Variants in RPGRIP1L observed in about 807,000 individuals in gnomAD.
RPGRIP1L encodes protein fantom.
In RPGRIP1L, 131 loss-of-function variants were observed where a neutral mutation model predicts 160.4. The ratio of observed to expected loss-of-function variants is 0.82; its 90% CI spans 0.71 to 0.94. RPGRIP1L has a LOEUF of 0.94. Among genes scored for constraint, RPGRIP1L ranks in the 40% least tolerant of loss-of-function variants. The probability of loss-of-function intolerance (pLI) is 0.00; values close to 1 mark genes in which losing one functional copy is unlikely to be tolerated. For synonymous variants in RPGRIP1L, 510 were observed against 515.8 expected (o/e 0.99, Z 0.15); for missense variants, 1,522 against 1,535.8 (o/e 0.99, Z 0.15).
In RPGRIP1L at chr16:53,641,114, T is replaced by C. The variant is rs753020103; in HGVS notation, c.2877A>G (p.Ala959=). The change falls in exon 19 of 27, where the codon GCA becomes GCG. Residue 959 remains alanine, a splice_region_variant and synonymous_variant. Coordinates refer to ENST00000647211, the MANE Select transcript of RPGRIP1L (RefSeq NM_015272.5). ...PASSVSTLVL[A]PRPKPRQRLT... is the part of the protein sequence containing the mutation. ...AACGTTGTCTTGGTTTAGGTCTTGGTGCCTAAGACAAACCAACCAATGTGT... is the reference window on the plus strand; with the variant it reads ...AACGTTGTCTTGGTTTAGGTCTTGGCGCCTAAGACAAACCAACCAATGTGT... 4 of 1,612,840 alleles carry C rather than the reference T, an allele frequency of 2.5e-6. No homozygotes were observed. Among genetic ancestry groups the C allele is most frequent in the South Asian group, 1.1e-5 (1 of 91,044 alleles).
At position 53,664,802 on chromosome 16, in the gene RPGRIP1L, A is replaced by G; in HGVS notation, c.1243+68T>C. 4 of 1,542,006 alleles carry G rather than the reference A, an allele frequency of 2.6e-6. 1 individual carries two copies. The South Asian group carries it at 4.5e-5, about 17-fold the overall frequency. On this transcript the variant is annotated intron_variant, in intron 10 of 26. Coordinates refer to ENST00000647211, the MANE Select transcript of RPGRIP1L (RefSeq NM_015272.5). Reference sequence around the variant, plus strand: ...GCAAACAGTAGGCACCAGAGTAAGTACTGACTGATTCAATGAAGAAACATT... The same window carrying G: ...GCAAACAGTAGGCACCAGAGTAAGTGCTGACTGATTCAATGAAGAAACATT...
At chr16:53,696,657 T>C (rs574122872) in intron 2 of RPGRIP1L, among the ~76,000 whole-genome samples, 7 of 152,336 alleles carry the variant, frequency 4.6e-5, no homozygotes, top group Non-Finnish European at 7.3e-5. Flanking sequence ...CTTATTTTTT[T>C]ACAAAGGCAA....
intron 8 of RPGRIP1L, among the ~76,000 whole-genome samples, chr16:53,671,796 C>T (rs537115075): frequency 2.6e-4 from 40 of 152,176 alleles, no homozygotes; most frequent in African/African-American, 9.4e-4. Flanking sequence ...ATTAATATTC[C>T]TGTTTTAATT....
At chr16:53,672,846 T>C (rs1267219913) in intron 8 of RPGRIP1L, 24 bp downstream of exon 8, 3 of 1,604,668 alleles carry the variant, frequency 1.9e-6, no homozygotes, top group Non-Finnish European at 2.6e-6. Flanking sequence ...ATGCAACAGA[T>C]GGCTAAACTC....
intron 15 of RPGRIP1L, among the ~76,000 whole-genome samples, chr16:53,650,146 C>T (rs1023444868): frequency 9.2e-5 from 14 of 152,060 alleles, no homozygotes; most frequent in African/African-American, 2.4e-5. Context: ...AAGAGTATTA[C>T]GAGTAGGACC....
chr16:53,674,741 T>G (rs747628275), intron 7 of RPGRIP1L, among the ~76,000 whole-genome samples: 2 of 152,108 alleles, frequency 1.3e-5, no homozygotes, highest in Non-Finnish European at 2.9e-5. Context: ...ATAAATTTCC[T>G]TGGTAGAAGA....
intron 25 of RPGRIP1L, among the ~76,000 whole-genome samples, chr16:53,608,477 T>G (rs1196136367): frequency 6.6e-6 from 1 of 152,232 alleles, no homozygotes; most frequent in Admixed American, 6.5e-5. Flanking sequence ...AAAAAGGACC[T>G]TAAGTCAGTG....
At chr16:53,641,194 A>AT (rs906909679) in intron 18 of RPGRIP1L, 78 bp from the exon 19 acceptor site, 1,641 of 1,434,364 alleles carry the variant, frequency 1.1e-3, no homozygotes, top group Non-Finnish European at 1.4e-3. Context: ...TATTATTATT[A>AT]TTTTTTTTTG....
At chr16:53,655,518 T>C (rs558557456) in intron 14 of RPGRIP1L, 32 of 152,304 alleles carry the variant, frequency 2.1e-4, no homozygotes, top group African/African-American at 7.7e-4. Flanking sequence ...CTTATCACTG[T>C]AGAACTTACA....
chr16:53,656,346 G>C (rs1967254195), intron 14 of RPGRIP1L, 126 bp downstream of exon 14: 2 of 790,414 alleles, frequency 2.5e-6, no homozygotes, highest in Non-Finnish European at 4.6e-6. Flanking sequence ...GCATTCATGA[G>C]CTAGCTATGA....
chr16:53,701,349 T>G (rs536456158), intron 1 of RPGRIP1L, among the ~76,000 whole-genome samples: 2 of 151,966 alleles, frequency 1.3e-5, no homozygotes, highest in South Asian at 2.1e-4. Context: ...TTGTGTTTTT[T>G]TGTGTGTGTG....
intron 16 of RPGRIP1L, 139 bp from the exon 17 acceptor site, chr16:53,646,142 T>A (rs1339586730): frequency 1.1e-5 from 8 of 758,156 alleles, no homozygotes; most frequent in Non-Finnish European, 1.7e-5. Context: ...TAAAATAAAC[T>A]TTTATTCTAA....
chr16:53,614,447 C>T (rs375623315), intron 24 of RPGRIP1L, among the ~76,000 whole-genome samples: 67 of 152,176 alleles, frequency 4.4e-4, no homozygotes, highest in African/African-American at 1.6e-3. Flanking sequence ...GTAATTCTAA[C>T]ATGTTTCCAG....
intron 5 of RPGRIP1L, 40 bp downstream of exon 5, chr16:53,687,823 T>C (rs781469383): frequency 3.3e-6 from 4 of 1,216,180 alleles, no homozygotes; most frequent in African/African-American, 3.0e-5. Context: ...ACATTATCAA[T>C]AACCAAAGTT....
intron 22 of RPGRIP1L, among the ~76,000 whole-genome samples, chr16:53,634,851 G>A (rs1965737877): frequency 6.6e-6 from 1 of 152,164 alleles, no homozygotes; most frequent in South Asian, 2.1e-4. Context: ...TACCTTTATA[G>A]TAACACAAAA....
At chr16:53,605,384 T>C (rs753480400) in intron 26 of RPGRIP1L, 97 bp downstream of exon 26, 1 of 1,387,820 alleles carries the variant, frequency 7.2e-7, no homozygotes, top group Admixed American at 1.7e-5. Context: ...AACGTGTGAC[T>C]CAGCACCCTT....
At chr16:53,619,368 T>C (rs900250820) in intron 23 of RPGRIP1L, among the ~76,000 whole-genome samples, 160 bp from the exon 24 acceptor site, 1 of 152,252 alleles carries the variant, frequency 6.6e-6, no homozygotes, top group Non-Finnish European at 1.5e-5. Context: ...CATGATAGAT[T>C]ATTCATGACA....
chr16:53,698,297 C>T lies in RPGRIP1L; in HGVS notation c.86-2002G>A, dbSNP rs1412509006. ...GGGGGTCAGCCCCCGCCAGGCCAGC[C>T]GCCCCGTCCGGGAGGGAGGTGGGGG... On this transcript the variant is annotated intron_variant, in intron 2 of 26. Coordinates refer to ENST00000647211, the MANE Select transcript of RPGRIP1L (RefSeq NM_015272.5). Among the ~76,000 whole-genome samples, 123 of 150,546 alleles carry T rather than the reference C, an allele frequency of 8.2e-4. 1 individual carries two copies. Among genetic ancestry groups the T allele is most frequent in the Admixed American group, 5.7e-3 (87 of 15,226 alleles).
At chr16:53,698,575 C>T (rs1487578195) in intron 2 of RPGRIP1L, among the ~76,000 whole-genome samples, 1 of 141,378 alleles carries the variant, frequency 7.1e-6, no homozygotes, top group Non-Finnish European at 1.5e-5. Flanking sequence ...CCAGCCGCCT[C>T]GTCCAGGAGG....
Sources: gnomAD v4.1 joint callset for allele counts (sites outside exome capture counted in the v4.1 genomes callset) on GRCh38, gnomAD v4.1.1 for gene constraint, MANE v1.5 for transcripts, NCBI Gene and HGNC (gene_info 2026-07-23, HGNC 2026-07-21) for gene names.